GRK5: variants seen among roughly 807,000 people sequenced by gnomAD.
GRK5 encodes G protein-coupled receptor kinase 5.
A neutral mutation model predicts 78.4 loss-of-function variants in GRK5; 40 were observed. The observed-to-expected ratio is 0.51, with a 90% CI of 0.40 to 0.66. The LOEUF is 0.66. Among genes scored for constraint, GRK5 ranks in the 30% least tolerant of loss-of-function variants. The probability of loss-of-function intolerance (pLI) is 0.00; values close to 1 mark genes in which losing one functional copy is unlikely to be tolerated. For synonymous variants in GRK5, 289 were observed against 296.8 expected (o/e 0.97, Z 0.27); for missense variants, 598 against 759.9 (o/e 0.79, Z 2.50).
At chr10:119,394,313 C>CGTGTGTGGGTGTTTCTGTGTGTGT (rs1308713917) in intron 3 of GRK5, among the ~76,000 whole-genome samples, 1 of 4,274 alleles carries the variant, frequency 2.3e-4, no homozygotes, top group Non-Finnish European at 4.7e-4. Flanking sequence ...TGTGTGGGCA[C>CGTGTGTGGGTGTTTCTGTGTGTGT]GTGGGTGTGT....
chr10:119,445,445 A>AC lies in GRK5; in HGVS notation c.1266+1696dup, dbSNP rs1853125121. 6.6e-6 allele frequency among the ~76,000 whole-genome samples: 1 copy of AC among 151,830 alleles called. No homozygotes were observed. ...CCAGTCCCACCCCCAGACCCCAGACACCCACCTTGGCCCCTGGCTTTGGAG... is the reference window on the plus strand; with the variant it reads ...CCAGTCCCACCCCCAGACCCCAGACACCCCACCTTGGCCCCTGGCTTTGGAG... On this transcript the variant is annotated intron_variant, in intron 12 of 15. Transcript: ENST00000392870. The surrounding 1 kb of genome is among the most constrained non-coding windows in gnomAD (Gnocchi z 4.1).
intron 15 of GRK5, among the ~76,000 whole-genome samples, chr10:119,454,033 C>T (rs1052770579): frequency 2.0e-5 from 3 of 152,228 alleles, no homozygotes; most frequent in Non-Finnish European, 4.4e-5. Context: ...CCAGTGTGCC[C>T]GCCCTGGAGC....
At chr10:119,230,657 G>A (rs1489194828) in intron 1 of GRK5, among the ~76,000 whole-genome samples, 2 of 151,646 alleles carry the variant, frequency 1.3e-5, no homozygotes, top group South Asian at 2.1e-4. Context: ...CAGCCAAACC[G>A]TATCACCCCA....
intron 1 of GRK5, among the ~76,000 whole-genome samples, chr10:119,246,019 CAAAAAAAAAAAAAAAAA>C (rs941734040): frequency 1.4e-4 from 2 of 14,036 alleles, no homozygotes; most frequent in African/African-American, 6.2e-4. Flanking sequence ...GACTCCATCT[CAAAAAAAAAAAAAAAAA>C]AAAAAAAAAG....
intron 1 of GRK5, among the ~76,000 whole-genome samples, chr10:119,235,810 A>G (rs948397737): frequency 1.3e-5 from 2 of 152,176 alleles, no homozygotes; most frequent in Non-Finnish European, 2.9e-5. Context: ...ATGTCTGTAG[A>G]CAATAGGTGC....
Position 119,225,160 on chromosome 10 carries a change from A to G in GRK5, c.52+17191A>G, listed in dbSNP as rs954635222. Among the ~76,000 whole-genome samples, 3 of 152,228 alleles carry G rather than the reference A, an allele frequency of 2.0e-5. No individual in the cohort carries two copies. In the South Asian group the frequency reaches 6.2e-4, roughly 31 times the overall value. On this transcript the variant is annotated intron_variant, in intron 1 of 15. Transcript: ENST00000392870. The stretch of plus-strand genomic sequence containing the variant: ...TGAACTGATTCTCGCAATCCAAGAA[A>G]GGCAAATGCATGATTCTAATGTTTT...
chr10:119,441,954 C>A, intron 10 of GRK5, 45 bp from the exon 11 acceptor site: 1 of 1,509,114 alleles, frequency 6.6e-7, no homozygotes, highest in Non-Finnish European at 9.2e-7. Context: ...GCCGGGTGCC[C>A]ATGCGGCTGT....
intron 6 of GRK5, among the ~76,000 whole-genome samples, chr10:119,428,824 G>A (rs950075604): frequency 2.6e-5 from 4 of 152,200 alleles, no homozygotes; most frequent in Non-Finnish European, 5.9e-5. Context: ...GATCCTGCCT[G>A]GTTGGTGCTG....
At chr10:119,333,928 A>G (rs1850828300) in intron 2 of GRK5, 1 of 488,958 alleles carries the variant, frequency 2.0e-6, no homozygotes, top group South Asian at 1.5e-5. Context: ...ACTTCCCTGG[A>G]GGAAGTGGCG....
intron 1 of GRK5, among the ~76,000 whole-genome samples, chr10:119,263,015 A>ATAT (rs1564869031): frequency 6.7e-6 from 1 of 149,732 alleles, no homozygotes; most frequent in African/African-American, 2.5e-5. Flanking sequence ...CACAATGTAC[A>ATAT]TTTTTTTTTT....
rs142521151 is a variant in GRK5, at chr10:119,449,301, G to A, written c.1404+1041G>A. On this transcript the variant is annotated intron_variant, in intron 13 of 15. Coordinates refer to ENST00000392870, the MANE Select transcript of GRK5 (RefSeq NM_005308.3). ...ACTTACCAGTACCGCCCTGAGTGGA[G>A]GCAGGTGGGGACCGTCCTTGGAACT... 9.0e-4 allele frequency among the ~76,000 whole-genome samples: 137 copies of A among 152,346 alleles called. 1 individual carries two copies. In the East Asian group the frequency reaches 0.024, roughly 27 times the overall value.
Position 119,454,988 on chromosome 10 carries a change from G to A in GRK5, c.1694G>A (p.Ser565Asn). 2 of 1,613,414 alleles carry A rather than the reference G, an allele frequency of 1.2e-6. No homozygotes were observed. The highest frequency in any genetic ancestry group is 1.7e-6 in the Non-Finnish European group (2 of 1,179,414). Residue 565 changes from serine to asparagine, a missense_variant, in exon 16 of 16, where the codon AGT (serine) becomes AAT (asparagine). Coordinates refer to ENST00000392870, the MANE Select transcript of GRK5 (RefSeq NM_005308.3). ...CCCCAGCATCAGAACAATTCCAAGAGTTCGCCCAGCTCCAAGACCAGTTTT... is the reference window on the plus strand; with the variant it reads ...CCCCAGCATCAGAACAATTCCAAGAATTCGCCCAGCTCCAAGACCAGTTTT... The part of the protein sequence containing the change: ...FKRQHQNNSK[S>N]SPSSKTSFNH...
At chr10:119,320,058 A>G (rs1850557468) in intron 1 of GRK5, among the ~76,000 whole-genome samples, 1 of 152,246 alleles carries the variant, frequency 6.6e-6, no homozygotes, top group Non-Finnish European at 1.5e-5. Flanking sequence ...TCAGGGCAGC[A>G]TGAGAAGGGA....
chr10:119,241,251 C>T (rs1432883639), intron 1 of GRK5, among the ~76,000 whole-genome samples: 1 of 152,102 alleles, frequency 6.6e-6, no homozygotes, highest in Non-Finnish European at 1.5e-5. Flanking sequence ...GAGCAAAGGC[C>T]ACGTGAGGGG....
chr10:119,234,749 G>A (rs1848891821), intron 1 of GRK5, among the ~76,000 whole-genome samples: 1 of 151,632 alleles, frequency 6.6e-6, no homozygotes, highest in African/African-American at 2.4e-5. Context: ...CTGGAGTGCA[G>A]TGGCACGATC....
At chr10:119,444,634 T>C (rs1853106869) in intron 12 of GRK5, among the ~76,000 whole-genome samples, 1 of 152,064 alleles carries the variant, frequency 6.6e-6, no homozygotes, top group African/African-American at 2.4e-5. Context: ...GCCAGCCTCA[T>C]AGGGACAGGA....
intron 1 of GRK5, among the ~76,000 whole-genome samples, chr10:119,260,560 C>A (rs1295298048): frequency 1.3e-5 from 2 of 151,934 alleles, no homozygotes; most frequent in African/African-American, 4.8e-5. Context: ...CGGCCTTCCG[C>A]AGCGTTTGTG....
At chr10:119,231,742 A>C (rs1848834158) in intron 1 of GRK5, among the ~76,000 whole-genome samples, 1 of 151,690 alleles carries the variant, frequency 6.6e-6, no homozygotes, top group Admixed American at 6.6e-5. Flanking sequence ...ACTCAACATC[A>C]CTAATCATTA....
At chr10:119,273,946 G>A (rs143409299) in intron 1 of GRK5, among the ~76,000 whole-genome samples, 3,048 of 152,224 alleles carry the variant, frequency 0.02, 60 homozygotes, top group Admixed American at 0.053. Flanking sequence ...GCTAATTTTT[G>A]TATTTTTAGT....
Sources: gnomAD v4.1 joint callset for allele counts (sites outside exome capture counted in the v4.1 genomes callset) on GRCh38, gnomAD v4.1.1 for gene constraint, Gnocchi (gnomAD v3.1) non-coding constraint, MANE v1.5 for transcripts, NCBI Gene and HGNC (gene_info 2026-07-23, HGNC 2026-07-21) for gene names.